The following BMX variants were observed in gnomAD, a reference collection of about 807,000 sequenced individuals.
The protein encoded by BMX is BMX non-receptor tyrosine kinase.
A neutral mutation model predicts 59.2 loss-of-function variants in BMX; 31 were observed. The observed-to-expected ratio is 0.52, with a 90% CI of 0.39 to 0.71. The LOEUF (loss-of-function observed/expected upper bound fraction) is 0.71, where lower values mean the gene tolerates loss of function less well. BMX is among the 30% of genes least tolerant of loss of function. The probability of loss-of-function intolerance (pLI) is 0.00; values close to 1 mark genes in which losing one functional copy is unlikely to be tolerated. For synonymous variants in BMX, 185 were observed against 181.0 expected, an observed-to-expected ratio of 1.02 and a Z score of -0.18; for missense variants, 474 against 491.7, an observed-to-expected ratio of 0.96 and a Z score of 0.34.
In BMX at chrX:15,556,128, G is replaced by A. The variant is rs1375536026; in HGVS notation, c.2009G>A (p.Arg670Gln). 7 of 1,205,983 alleles carry A rather than the reference G, an allele frequency of 5.8e-6. No homozygotes were observed. In the East Asian group the frequency reaches 8.9e-5, roughly 15 times the overall value. ...QQLLSSIEPL[R>Q]EKDKH ...CTCCTGTCTTCCATTGAACCACTTC[G>A]GGAAAAAGACAAGCATTGAAGAAGA... The change falls in exon 19 of 19, where the codon CGG becomes CAG. Residue 670 changes from arginine to glutamine, a missense_variant. Coordinates refer to ENST00000348343, the MANE Select transcript of BMX (RefSeq NM_203281.3).
At chrX:15,532,707 G>C (rs1411764074) in intron 11 of BMX, among the ~76,000 whole-genome samples, 1 of 112,172 alleles carries the variant, frequency 8.9e-6, no homozygotes. Flanking sequence ...ATTTTATTTT[G>C]AAATTTTTTA....
At position 15,500,929 on chromosome X, in the gene BMX, C is replaced by T; in HGVS notation, c.-21C>T. ...GCGGCGGACCCAGGCAAGCACGGAA[C>T]AAGCTGAGACGGTGCGTTTAAGCGG... On this transcript the variant is annotated 5_prime_UTR_variant, in exon 1 of 19. Transcript: ENST00000348343. 6.6e-6 allele frequency: 5 copies of T among 754,473 alleles called. No individual in the cohort carries two copies. Among genetic ancestry groups the T allele is most frequent in the Non-Finnish European group, 7.8e-6 (5 of 639,433 alleles). The allele number at this position is 754,473 out of a possible 1,213,427, so 62.2% of individuals were successfully genotyped here.
chrX:15,512,817 C>T (rs1924012840), intron 4 of BMX, among the ~76,000 whole-genome samples: 1 of 111,909 alleles, frequency 8.9e-6, no homozygotes, highest in African/African-American at 3.3e-5. Context: ...CTAGGAGGAG[C>T]TCTAAGATTC....
intron 12 of BMX, among the ~76,000 whole-genome samples, chrX:15,535,058 C>G (rs766278765): frequency 9.0e-6 from 1 of 111,657 alleles, no homozygotes; most frequent in African/African-American, 3.2e-5. Context: ...TAGCCAAATC[C>G]CTAGAAATGG....
At chrX:15,538,174 CCTCT>C (rs1162723742) in intron 14 of BMX, among the ~76,000 whole-genome samples, 1 of 107,018 alleles carries the variant, frequency 9.3e-6, no homozygotes, top group Non-Finnish European at 1.9e-5. Context: ...TTTCTCTCTC[CCTCT>C]CTCTCCCTCT....
chrX:15,522,731 G>A, intron 7 of BMX, 144 bp downstream of exon 7: 1 of 886,251 alleles, frequency 1.1e-6, no homozygotes, highest in South Asian at 2.6e-5. Context: ...GAAGTCTGGG[G>A]AAGCAGTGGC....
intron 14 of BMX, 63 bp downstream of exon 14, chrX:15,537,368 G>T: frequency 1.7e-6 from 2 of 1,147,357 alleles, no homozygotes; most frequent in South Asian, 3.8e-5. Context: ...GCACTAATAG[G>T]CCTGCTGTTA....
At chrX:15,507,494 C>A in intron 1 of BMX, 1 of 422,337 alleles carries the variant, frequency 2.4e-6, no homozygotes, top group Non-Finnish European at 3.0e-6. Context: ...TTTCACAAAG[C>A]AAAGAAGAAC....
intron 16 of BMX, among the ~76,000 whole-genome samples, chrX:15,545,595 C>T (rs1418955120): frequency 2.7e-5 from 3 of 111,742 alleles, no homozygotes; most frequent in African/African-American, 9.8e-5. Flanking sequence ...CCTCTTATTG[C>T]GCATGTTTGA....
intron 3 of BMX, among the ~76,000 whole-genome samples, chrX:15,509,656 A>T (rs765333094): frequency 2.7e-5 from 3 of 111,330 alleles, no homozygotes; most frequent in Non-Finnish European, 5.7e-5. Context: ...AGTCGCAGTG[A>T]CCTGACCTGC....
rs745494421 is a variant in BMX, at chrX:15,542,201, A to T, written c.1611+3A>T. The T allele has an allele frequency of 7.5e-6, 9 of 1,207,484 alleles. No individual in the cohort carries two copies. The Admixed American group carries it at 2.0e-4, about 26-fold the overall frequency. On this transcript the variant is annotated splice_donor_region_variant and intron_variant, in intron 15 of 18. Transcript: ENST00000348343. ...ACCAATTCATACACCGGGACTTGGTAAGCAAAGCCATTGGAATTTCAAAGA... is the reference window on the plus strand; with the variant it reads ...ACCAATTCATACACCGGGACTTGGTTAGCAAAGCCATTGGAATTTCAAAGA...
intron 9 of BMX, among the ~76,000 whole-genome samples, chrX:15,527,826 G>A (rs1005231241): frequency 2.7e-5 from 3 of 111,189 alleles, no homozygotes; most frequent in Admixed American, 9.6e-5. Context: ...GCTCTCTTTC[G>A]GCTTTACTTT....
intron 9 of BMX, among the ~76,000 whole-genome samples, chrX:15,527,283 T>TATACAC (rs1285065649): frequency 2.0e-4 from 13 of 65,862 alleles, no homozygotes; most frequent in East Asian, 3.9e-4. Flanking sequence ...TATATATATA[T>TATACAC]ACACACACAC....
rs111734465 is a variant in BMX at position 15,542,563 on chromosome X, G to GAA, written c.1611+376_1611+377dup. Among the ~76,000 whole-genome samples, 524 of 100,658 alleles carry GAA rather than the reference G, an allele frequency of 5.2e-3. 2 individuals carry two copies. Among genetic ancestry groups the GAA allele is most frequent in the African/African-American group, 0.018 (491 of 27,860 alleles). 87.4% of individuals were successfully genotyped at this position (100,658 alleles called of 115,157 possible). On this transcript the variant is annotated intron_variant, in intron 15 of 18. Coordinates refer to ENST00000348343, the MANE Select transcript of BMX (RefSeq NM_203281.3). ...GCCATTTGATACAATAACTGAACAT[G>GAA]AAAAAAAAAAAAGGAAATAGAATTT... is the stretch of plus-strand genomic sequence containing the variant.
Position 15,542,062 on chromosome X carries a change from T to C in BMX, c.1475T>C (p.Ile492Thr), listed in dbSNP as rs1925714813. The change falls in exon 15 of 19, where the codon ATA (isoleucine) becomes ACA (threonine). Residue 492 changes from isoleucine to threonine, a missense_variant. Physicochemically the swap from Ile to Thr is moderately conservative, Grantham distance 89. Transcript: ENST00000348343. ...EYPIYIVTEYISNGCLLNYLR... is the reference protein window; with the variant it reads ...EYPIYIVTEYTSNGCLLNYLR... ...CCCATATACATAGTGACTGAATATA[T>C]AAGCAATGGCTGCTTGCTGAATTAC... 2.5e-6 allele frequency: 3 copies of C among 1,211,059 alleles called. No individual in the cohort carries two copies. The highest frequency in any genetic ancestry group is 3.4e-6 in the Non-Finnish European group (3 of 895,051).
intron 5 of BMX, among the ~76,000 whole-genome samples, chrX:15,517,553 C>T (rs1924218899): frequency 8.9e-6 from 1 of 112,390 alleles, no homozygotes; most frequent in Non-Finnish European, 1.9e-5. Flanking sequence ...AGGAAAACTA[C>T]AGAGTGTAGA....
At chrX:15,504,156 C>T (rs950621670) in intron 1 of BMX, among the ~76,000 whole-genome samples, 1 of 112,325 alleles carries the variant, frequency 8.9e-6, no homozygotes, top group Admixed American at 9.4e-5. Flanking sequence ...ACAACTTTTC[C>T]TTCCTTGGAC....
intron 12 of BMX, among the ~76,000 whole-genome samples, chrX:15,535,986 C>T (rs1488459286): frequency 1.8e-5 from 2 of 111,579 alleles, no homozygotes; most frequent in Admixed American, 9.5e-5. Context: ...TATTTTTACC[C>T]TTCTGTATTG....
At chrX:15,504,221 C>T (rs1923664894) in intron 1 of BMX, among the ~76,000 whole-genome samples, 1 of 112,106 alleles carries the variant, frequency 8.9e-6, no homozygotes, top group Non-Finnish European at 1.9e-5. Context: ...TTTTCCCCAT[C>T]TTTTCTTTTT....
Sources: allele counts gnomAD v4.1 joint callset (sites outside exome capture counted in the v4.1 genomes callset), GRCh38; gene constraint gnomAD v4.1.1; transcripts MANE v1.5; gene names NCBI Gene and HGNC (gene_info 2026-07-23, HGNC 2026-07-21).